DOCK4: variants seen among roughly 807,000 people sequenced by gnomAD.
DOCK4 encodes dedicator of cytokinesis protein 4.
In DOCK4, 97 loss-of-function variants were observed where a neutral mutation model predicts 268.1. The observed-to-expected ratio is 0.36, with a 90% confidence interval of 0.31 to 0.43. DOCK4 has a LOEUF of 0.43. DOCK4 is among the 20% of genes least tolerant of loss of function. The pLI, the probability that DOCK4 is intolerant of heterozygous loss-of-function variation, is 1.00. For synonymous variants in DOCK4, 954 were observed against 887.2 expected (o/e 1.08, Z -1.34); for missense variants, 2,145 against 2,455.7 (o/e 0.87, Z 2.67).
chr7:111,739,711 G>A (rs1450761872), intron 47 of DOCK4: 6 of 524,714 alleles, frequency 1.1e-5, no homozygotes, highest in Non-Finnish European at 2.1e-5. Context: ...GCTATACACT[G>A]TGACTTCGTA....
chr7:112,077,027 T>C (rs1563061871), intron 1 of DOCK4, among the ~76,000 whole-genome samples: 3 of 152,060 alleles, frequency 2.0e-5, no homozygotes, highest in African/African-American at 7.2e-5. Flanking sequence ...TTTTATTCAG[T>C]ATAAAGTCAA....
chr7:111,762,980 C>T (rs1387573182), intron 39 of DOCK4, among the ~76,000 whole-genome samples: 1 of 151,742 alleles, frequency 6.6e-6, no homozygotes, highest in East Asian at 1.9e-4. Flanking sequence ...GTTGCCCAGG[C>T]TGGTCTTGAA....
chr7:111,765,370 T>A, intron 38 of DOCK4, 148 bp from the exon 39 acceptor site: 1 of 629,660 alleles, frequency 1.6e-6, no homozygotes, highest in Non-Finnish European at 2.7e-6. Flanking sequence ...TTTGATGCTT[T>A]AAGTCGGGGA....
In DOCK4 at chr7:111,939,995, T is replaced by G. The variant is rs535074184; in HGVS notation, c.977+115A>C. Reference sequence around the variant, plus strand: ...TACAGATTACTGGGTTTTTGAGGAATGGCTCATAAACCACCCATTGTTCTT... The same window carrying G: ...TACAGATTACTGGGTTTTTGAGGAAGGGCTCATAAACCACCCATTGTTCTT... On this transcript the variant is annotated intron_variant, in intron 11 of 52. Transcript: ENST00000428084. 1.7e-5 allele frequency: 18 copies of G among 1,053,064 alleles called. No individual in the cohort carries two copies. In the South Asian group the frequency reaches 2.6e-4, roughly 15 times the overall value. The allele number at this position is 1,053,064 out of a possible 1,614,324, so 65.2% of individuals were successfully genotyped here. A position where few individuals can be genotyped will look rare whatever the true frequency, so the allele number is the denominator to read the frequency against.
intron 1 of DOCK4, among the ~76,000 whole-genome samples, chr7:112,146,885 C>G (rs1444955240): frequency 2.0e-5 from 3 of 152,032 alleles, no homozygotes; most frequent in Admixed American, 2.0e-4. Context: ...ATTATATTTT[C>G]TCTAAAGAAA....
rs748146077 is a variant in DOCK4 at position 111,758,753 on chromosome 7, G to A, written c.4200C>T (p.Ser1400=). 1.2e-6 allele frequency: 2 copies of A among 1,613,874 alleles called. No homozygotes were observed. The highest frequency in any genetic ancestry group is 1.7e-5 in the Admixed American group (1 of 60,010). The change falls in exon 41 of 53, where the codon AGC becomes AGT. Residue 1400 remains serine (S), a synonymous_variant. Coordinates refer to ENST00000428084, the MANE Select transcript of DOCK4 (RefSeq NM_001363540.2). The stretch of plus-strand genomic sequence containing the variant: ...CACCCTCTCTCTGCAGGACCTCCTG[G>A]CTCTCTGGAATGGGAGTCACAGCAT... ...QIYAVTPIPE[S]QEVLQREGVP...
At chr7:112,129,568 A>T (rs1479346558) in intron 1 of DOCK4, among the ~76,000 whole-genome samples, 1 of 152,202 alleles carries the variant, frequency 6.6e-6, no homozygotes, top group African/African-American at 2.4e-5. Context: ...TAACTTAACA[A>T]CAATGTACCA....
rs553536468 is a variant in DOCK4 at position 111,755,522 on chromosome 7, C to A, written c.4409G>T (p.Arg1470Leu). The stretch of plus-strand genomic sequence containing the variant: ...ACAAGCTCTGATCCTTACCACTTCA[C>A]GCTTTTCCACTTCAAACCAGCGAGA... ...GISRWFEVEK[R>L]EVVEMSPLEN... The change falls in exon 42 of 53, where the codon CGT (arginine) becomes CTT (leucine). Residue 1470 changes from arginine to leucine, a missense_variant. Arg to Leu is a moderately radical substitution (Grantham distance 102, BLOSUM62 -2). Transcript: ENST00000428084. The A allele has an allele frequency of 1.2e-6, 2 of 1,613,932 alleles. No individual in the cohort carries two copies. The highest frequency in any genetic ancestry group is 1.7e-5 in the Admixed American group (1 of 60,018).
rs529714340 is a variant in DOCK4 at position 112,117,389 on chromosome 7, G to A, written c.37+88713C>T. ...TTTCTTTCTTTTTCTTTTTTGAGACGGAGTTTCACTCACTCTTGTTGCCTA... is the reference window on the plus strand; with the variant it reads ...TTTCTTTCTTTTTCTTTTTTGAGACAGAGTTTCACTCACTCTTGTTGCCTA... On this transcript the variant is annotated intron_variant, in intron 1 of 52. Transcript: ENST00000428084. Among the ~76,000 whole-genome samples, 94 of 151,782 alleles carry A rather than the reference G, an allele frequency of 6.2e-4. No individual in the cohort carries two copies. The South Asian group carries it at 6.3e-3, about 10-fold the overall frequency.
At chr7:111,941,359 A>T (rs550191364) in intron 10 of DOCK4, among the ~76,000 whole-genome samples, 1 of 152,200 alleles carries the variant, frequency 6.6e-6, no homozygotes, top group Non-Finnish European at 1.5e-5. Context: ...CTTGAATTTA[A>T]TTATCAACCA....
intron 7 of DOCK4, among the ~76,000 whole-genome samples, chr7:111,983,336 G>C (rs1196742060): frequency 1.3e-5 from 2 of 152,062 alleles, no homozygotes; most frequent in Non-Finnish European, 2.9e-5. Flanking sequence ...AGCTTGAAAA[G>C]ATATGCCAAA....
chr7:111,813,018 GATAA>G (rs1801255519), intron 27 of DOCK4, among the ~76,000 whole-genome samples: 1 of 152,176 alleles, frequency 6.6e-6, no homozygotes, highest in Non-Finnish European at 1.5e-5. Flanking sequence ...ATAACCAGGA[GATAA>G]ATATTTAAAG....
At chr7:112,159,100 C>T (rs1485994691) in intron 1 of DOCK4, among the ~76,000 whole-genome samples, 1 of 152,166 alleles carries the variant, frequency 6.6e-6, no homozygotes, top group African/African-American at 2.4e-5. Flanking sequence ...CTTCAGTATC[C>T]TCCCTACCAG....
rs187901881 is a variant in DOCK4 at position 111,774,628 on chromosome 7, G to A, written c.3679+3648C>T. The stretch of plus-strand genomic sequence containing the variant: ...GGGATGGCTGCATGGAAAAGAGGGT[G>A]AAGGAGCTGATCCTGAAGGATGAAA... On this transcript the variant is annotated intron_variant, in intron 36 of 52. Transcript: ENST00000428084. Among the ~76,000 whole-genome samples the A allele has an allele frequency of 3.0e-4, 45 of 152,266 alleles. 1 individual carries two copies. The South Asian group carries it at 7.9e-3, about 27-fold the overall frequency.
chr7:111,954,718 C>T (rs1322375670), intron 8 of DOCK4, among the ~76,000 whole-genome samples: 1 of 152,144 alleles, frequency 6.6e-6, no homozygotes, highest in Non-Finnish European at 1.5e-5. Flanking sequence ...CTATAAAACC[C>T]CTGCCCCGTC....
At chr7:112,123,048 T>C (rs1158094861) in intron 1 of DOCK4, among the ~76,000 whole-genome samples, 1 of 152,150 alleles carries the variant, frequency 6.6e-6, no homozygotes, top group African/African-American at 2.4e-5. Context: ...AAACCCCAAC[T>C]AGAGTCAGAA....
intron 1 of DOCK4, among the ~76,000 whole-genome samples, chr7:112,074,019 G>A (rs1442965346): frequency 6.6e-6 from 1 of 152,082 alleles, no homozygotes; most frequent in Non-Finnish European, 1.5e-5. Context: ...TTTGTACAAT[G>A]ATTACATGTC....
chr7:111,995,744 A>C (rs978585735), intron 4 of DOCK4, among the ~76,000 whole-genome samples: 1 of 152,174 alleles, frequency 6.6e-6, no homozygotes, highest in Non-Finnish European at 1.5e-5. Flanking sequence ...AGACATATGG[A>C]AACTAAAATC....
At chr7:111,826,564 A>G (rs1802408028) in intron 26 of DOCK4, among the ~76,000 whole-genome samples, 1 of 152,208 alleles carries the variant, frequency 6.6e-6, no homozygotes, top group African/African-American at 2.4e-5. Context: ...AAAAAAGAAC[A>G]AAATCATGTC....
Sources: allele counts gnomAD v4.1 joint callset (sites outside exome capture counted in the v4.1 genomes callset), GRCh38; gene constraint gnomAD v4.1.1; transcripts MANE v1.5; gene names NCBI Gene and HGNC (gene_info 2026-07-23, HGNC 2026-07-21).